OSBPL6: variants seen among roughly 807,000 people sequenced by gnomAD.
OSBPL6 encodes the protein oxysterol binding protein like 6.
A neutral mutation model predicts 125.8 loss-of-function variants in OSBPL6; 49 were observed. That is an observed-to-expected ratio of 0.39 (90% CI 0.31 to 0.49). The LOEUF (loss-of-function observed/expected upper bound fraction) is 0.49, where lower values mean the gene tolerates loss of function less well. OSBPL6 is among the 20% of genes least tolerant of loss of function. OSBPL6 has a pLI of 0.88. For synonymous variants in OSBPL6, 394 were observed against 391.8 expected (o/e 1.01, Z -0.07); for missense variants, 986 against 1,135.4 (o/e 0.87, Z 1.89).
chr2:178,386,887 CAGTT>C (rs1694988253), intron 19 of OSBPL6, among the ~76,000 whole-genome samples, 170 bp from the exon 20 acceptor site: 2 of 151,880 alleles, frequency 1.3e-5, no homozygotes, highest in South Asian at 4.2e-4. Context: ...TTTTGGTTCA[CAGTT>C]AATATTTTCA....
intron 1 of OSBPL6, among the ~76,000 whole-genome samples, chr2:178,248,831 A>G (rs1482220740): frequency 6.6e-6 from 1 of 152,238 alleles, no homozygotes; most frequent in Non-Finnish European, 1.5e-5. Flanking sequence ...ACAAGGAAAA[A>G]AAAACATCTG....
chr2:178,361,683 G>A lies in OSBPL6; in HGVS notation c.1155G>A (p.Val385=). 3 of 1,613,730 alleles carry A rather than the reference G, an allele frequency of 1.9e-6. No individual in the cohort carries two copies. Among genetic ancestry groups the A allele is most frequent in the East Asian group, 2.2e-5 (1 of 44,860 alleles). The change falls in exon 13 of 25, where the codon GTG becomes GTA. Residue 385 remains valine, a splice_region_variant and synonymous_variant. Coordinates refer to ENST00000190611, the MANE Select transcript of OSBPL6 (RefSeq NM_032523.4). ...TTTCTCACTTTTCTCCCCACCCAGTGCATTCTCTTTTGAAGTCTGCATTTA... is the reference window on the plus strand; with the variant it reads ...TTTCTCACTTTTCTCCCCACCCAGTACATTCTCTTTTGAAGTCTGCATTTA... ...QEEFCLIAQK[V]HSLLKSAFNS... is the part of the protein sequence containing the mutation.
At chr2:178,328,643 A>G (rs367682704) in intron 5 of OSBPL6, among the ~76,000 whole-genome samples, 1 of 152,146 alleles carries the variant, frequency 6.6e-6, no homozygotes, top group African/African-American at 2.4e-5. Context: ...GCATGCCACC[A>G]TGCCTGACTA....
At chr2:178,347,206 C>T (rs1690802815) in intron 11 of OSBPL6, among the ~76,000 whole-genome samples, 1 of 152,174 alleles carries the variant, frequency 6.6e-6, no homozygotes, top group African/African-American at 2.4e-5. Context: ...CCCGCCAACT[C>T]TCATGACCCC....
At chr2:178,219,116 G>T (rs1417640513) in intron 1 of OSBPL6, among the ~76,000 whole-genome samples, 1 of 151,864 alleles carries the variant, frequency 6.6e-6, no homozygotes, top group Non-Finnish European at 1.5e-5. Flanking sequence ...TGTCCAATTT[G>T]CCTTTATTCA....
At chr2:178,278,458 T>C (rs1242184688) in intron 1 of OSBPL6, among the ~76,000 whole-genome samples, 1 of 152,200 alleles carries the variant, frequency 6.6e-6, no homozygotes, top group Non-Finnish European at 1.5e-5. Context: ...GATTAATCAA[T>C]CAATACTTAG....
chr2:178,232,059 A>G (rs1369794825), intron 1 of OSBPL6, among the ~76,000 whole-genome samples: 1 of 152,168 alleles, frequency 6.6e-6, no homozygotes, highest in East Asian at 1.9e-4. Flanking sequence ...GCTCAGATCC[A>G]TAAACTGGGT....
intron 12 of OSBPL6, among the ~76,000 whole-genome samples, chr2:178,351,119 A>G (rs1163085216): frequency 6.6e-6 from 1 of 152,244 alleles, no homozygotes; most frequent in African/African-American, 2.4e-5. Context: ...GTCCTTTATT[A>G]AAAACACACA....
chr2:178,303,412 G>C (rs1017533590), intron 2 of OSBPL6, among the ~76,000 whole-genome samples: 1 of 152,026 alleles, frequency 6.6e-6, no homozygotes, highest in African/African-American at 2.4e-5. Context: ...TGTTCTTTTA[G>C]GTATTCTCTA....
chr2:178,260,558 T>C (rs1450429774), intron 1 of OSBPL6, among the ~76,000 whole-genome samples: 1 of 152,162 alleles, frequency 6.6e-6, no homozygotes, highest in Non-Finnish European at 1.5e-5. Flanking sequence ...ATGGAAATGG[T>C]ATTTCCAGAT....
chr2:178,393,665 AT>A (rs1411389333), intron 23 of OSBPL6, among the ~76,000 whole-genome samples: 1 of 152,160 alleles, frequency 6.6e-6, no homozygotes, highest in Non-Finnish European at 1.5e-5. Context: ...CTTTGCTCTC[AT>A]TTTGAAATGT....
chr2:178,219,595 C>T (rs532943549), intron 1 of OSBPL6, among the ~76,000 whole-genome samples: 4 of 152,250 alleles, frequency 2.6e-5, no homozygotes, highest in Admixed American at 6.5e-5. Flanking sequence ...TGTCAGCCTC[C>T]GAATGGCTGA....
chr2:178,267,004 G>A (rs1462247615), intron 1 of OSBPL6, among the ~76,000 whole-genome samples: 1 of 152,166 alleles, frequency 6.6e-6, no homozygotes, highest in Admixed American at 6.6e-5. Context: ...AGCATGGGGA[G>A]GAGAGCCAGA....
intron 11 of OSBPL6, among the ~76,000 whole-genome samples, chr2:178,348,291 G>A (rs1342164275): frequency 6.6e-6 from 1 of 152,202 alleles, no homozygotes; most frequent in Non-Finnish European, 1.5e-5. Context: ...GAGTCTAAGA[G>A]TCTGGTTCTT....
rs1424929116 is a variant in OSBPL6, at chr2:178,259,630, A to G, written c.-350-25297A>G. 5.9e-5 allele frequency among the ~76,000 whole-genome samples: 9 copies of G among 152,328 alleles called. No individual in the cohort carries two copies. The South Asian group carries it at 6.2e-4, about 11-fold the overall frequency. On this transcript the variant is annotated intron_variant, in intron 1 of 24. Transcript: ENST00000190611. Reference sequence around the variant, plus strand: ...ACAGAACCCCCATCCCACCAAAAAAAAGTCAGAATTACCCTTACTTTTAGC... The same window carrying G: ...ACAGAACCCCCATCCCACCAAAAAAGAGTCAGAATTACCCTTACTTTTAGC...
At chr2:178,379,303 G>GAA (rs1196098906) in intron 15 of OSBPL6, among the ~76,000 whole-genome samples, 2 of 112,024 alleles carry the variant, frequency 1.8e-5, no homozygotes, top group East Asian at 3.1e-4. Flanking sequence ...AAAGAAGAAA[G>GAA]AAAGAAACAG....
chr2:178,235,337 G>T (rs1442948155), intron 1 of OSBPL6, among the ~76,000 whole-genome samples: 1 of 143,484 alleles, frequency 7.0e-6, no homozygotes, highest in Non-Finnish European at 1.5e-5. Flanking sequence ...CATTGAAACA[G>T]ATATTTTTAT....
In OSBPL6 at chr2:178,227,058, A is replaced by G. The variant is rs149609603; in HGVS notation, c.-351+32384A>G. On this transcript the variant is annotated intron_variant, in intron 1 of 24. Transcript: ENST00000190611. ...ATGGCTACACACAAAAGATGAAAGG[A>G]TAGTAGAATATATTAAGAATATATT... is the stretch of plus-strand genomic sequence containing the variant. Among the ~76,000 whole-genome samples the G allele has an allele frequency of 9.2e-5, 14 of 152,354 alleles. No individual in the cohort carries two copies. In the East Asian group the frequency reaches 2.7e-3, roughly 29 times the overall value.
At chr2:178,382,053 G>T (rs1230463070) in intron 15 of OSBPL6, among the ~76,000 whole-genome samples, 1 of 152,208 alleles carries the variant, frequency 6.6e-6, no homozygotes, top group Admixed American at 6.5e-5. Context: ...CTAAGGTAGA[G>T]TCATAGGGCC....
Sources: allele counts gnomAD v4.1 joint callset (sites outside exome capture counted in the v4.1 genomes callset), GRCh38; gene constraint gnomAD v4.1.1; transcripts MANE v1.5; gene names NCBI Gene and HGNC (gene_info 2026-07-23, HGNC 2026-07-21).